The following LUC7L variants were observed in gnomAD, a reference collection of about 807,000 sequenced individuals.
The protein encoded by LUC7L is putative RNA-binding protein Luc7-like 1.
Under a neutral mutation model 51.1 loss-of-function variants are expected in LUC7L, and 29 were observed. The ratio of observed to expected loss-of-function variants is 0.57; its 90% CI spans 0.42 to 0.77. The LOEUF (loss-of-function observed/expected upper bound fraction) is 0.77. Among genes scored for constraint, LUC7L ranks in the 30% least tolerant of loss-of-function variants. LUC7L has a pLI of 0.00. For missense variants in LUC7L, 403 were observed against 511.9 expected (o/e 0.79, Z 2.05); for synonymous variants, 181 against 180.7 (o/e 1.00, Z -0.01).
chr16:207,994 G>C, intron 4 of LUC7L, 84 bp downstream of exon 4: 1 of 894,910 alleles, frequency 1.1e-6, no homozygotes, highest in Non-Finnish European at 1.7e-6. Context: ...GGGTGACAGA[G>C]GGAGACTCCA....
intron 1 of LUC7L, chr16:228,696 C>G (rs1239414914): frequency 8.3e-7 from 1 of 1,205,488 alleles, no homozygotes; most frequent in African/African-American, 1.6e-5. Flanking sequence ...CACAGTACAA[C>G]CTACCTAACG....
chr16:206,888 A>AT (rs1340828596), intron 4 of LUC7L, among the ~76,000 whole-genome samples: 3 of 96,262 alleles, frequency 3.1e-5, no homozygotes, highest in Non-Finnish European at 6.0e-5. Context: ...CTCCATCTTT[A>AT]TTAAAAAAAA....
At chr16:227,484 T>G in intron 1 of LUC7L, 148 bp from the exon 2 acceptor site, 1 of 1,455,790 alleles carries the variant, frequency 6.9e-7, no homozygotes. Context: ...TCTAAAGATA[T>G]TTACAACTGG....
intron 3 of LUC7L, among the ~76,000 whole-genome samples, chr16:210,090 C>A (rs1426344865): frequency 6.6e-6 from 1 of 152,126 alleles, no homozygotes; most frequent in East Asian, 1.9e-4. Flanking sequence ...GAGTTCGAGA[C>A]CAGCTTGACC....
intron 7 of LUC7L, among the ~76,000 whole-genome samples, chr16:191,831 G>C (rs539056056): frequency 2.6e-5 from 4 of 152,294 alleles, no homozygotes; most frequent in African/African-American, 9.6e-5. Flanking sequence ...GTGACAGAGC[G>C]AGACCCTGTC....
intron 1 of LUC7L, chr16:228,893 G>A (rs904868285): frequency 7.5e-7 from 1 of 1,332,836 alleles, no homozygotes; most frequent in Non-Finnish European, 9.8e-7. Flanking sequence ...TTCTTCCCAA[G>A]GAGCCTCGGA....
At chr16:193,211 T>C (rs570361182) in intron 6 of LUC7L, among the ~76,000 whole-genome samples, 196 bp from the exon 7 acceptor site, 205 of 151,782 alleles carry the variant, frequency 1.4e-3, no homozygotes, top group African/African-American at 4.7e-3. Context: ...TGCAGTGGCG[T>C]GATCTCGGCT....
intron 6 of LUC7L, among the ~76,000 whole-genome samples, chr16:198,208 G>A (rs2049212231): frequency 6.7e-6 from 1 of 148,380 alleles, no homozygotes; most frequent in Admixed American, 6.9e-5. Flanking sequence ...GAACCTGGGA[G>A]GCGGAGCTTG....
chr16:209,475 G>C (rs1021528131), intron 3 of LUC7L: 4 of 123,990 alleles, frequency 3.2e-5, no homozygotes, highest in Non-Finnish European at 6.3e-5. Flanking sequence ...GGGCAACAGA[G>C]CAAGATTCCA....
chr16:212,004 C>A (rs1303571953), intron 3 of LUC7L, among the ~76,000 whole-genome samples: 1 of 152,074 alleles, frequency 6.6e-6, no homozygotes, highest in South Asian at 2.1e-4. Flanking sequence ...TCCAAAGAGC[C>A]GCAGAGGGGC....
intron 1 of LUC7L, chr16:228,937 G>A: frequency 1.4e-6 from 2 of 1,390,742 alleles, no homozygotes; most frequent in Non-Finnish European, 1.9e-6. Context: ...GCGACCTGGA[G>A]CCCACGCTGA....
intron 3 of LUC7L, among the ~76,000 whole-genome samples, chr16:211,886 T>C (rs2049651053): frequency 6.6e-6 from 1 of 152,216 alleles, no homozygotes; most frequent in Non-Finnish European, 1.5e-5. Flanking sequence ...CCAGCAGCAC[T>C]GACACAGGCC....
chr16:212,052 G>C (rs1285409971), intron 3 of LUC7L, among the ~76,000 whole-genome samples: 2 of 152,176 alleles, frequency 1.3e-5, no homozygotes, highest in African/African-American at 4.8e-5. Context: ...CTAGCACTTT[G>C]GGAGGCTGAG....
intron 1 of LUC7L, chr16:228,421 G>C: frequency 7.7e-7 from 1 of 1,291,800 alleles, no homozygotes; most frequent in Non-Finnish European, 1.0e-6. Flanking sequence ...ATAAAATAGA[G>C]GGGCCACAAT....
chr16:215,829 T>A (rs1032755219), intron 3 of LUC7L, among the ~76,000 whole-genome samples: 1 of 151,900 alleles, frequency 6.6e-6, no homozygotes, highest in Non-Finnish European at 1.5e-5. Flanking sequence ...GACAGTGTCT[T>A]GACAGATCAC....
At chr16:199,547 G>A (rs760628580) in intron 5 of LUC7L, among the ~76,000 whole-genome samples, 8 of 151,576 alleles carry the variant, frequency 5.3e-5, no homozygotes, top group Non-Finnish European at 1.0e-4. Context: ...TGAGGCTGGC[G>A]GATCACCTGA....
intron 5 of LUC7L, among the ~76,000 whole-genome samples, chr16:199,792 C>T (rs1026629530): frequency 2.0e-5 from 3 of 148,592 alleles, no homozygotes; most frequent in Non-Finnish European, 4.4e-5. Context: ...GAGATCGAGA[C>T]CATCCTGGCC....
chr16:220,412 T>G, intron 3 of LUC7L: 1 of 422,732 alleles, frequency 2.4e-6, no homozygotes, highest in East Asian at 4.0e-5. Flanking sequence ...AAAATGTAAT[T>G]AAAATTTTTA....
intron 3 of LUC7L, among the ~76,000 whole-genome samples, chr16:219,156 C>T (rs1001059975): frequency 6.0e-5 from 9 of 150,474 alleles, no homozygotes; most frequent in South Asian, 4.2e-4. Context: ...TTTGGGAGGC[C>T]GAGGCAGGCG....
Sources: gnomAD v4.1 joint callset for allele counts (sites outside exome capture counted in the v4.1 genomes callset) on GRCh38, gnomAD v4.1.1 for gene constraint, MANE v1.5 for transcripts, NCBI Gene and HGNC (gene_info 2026-07-23, HGNC 2026-07-21) for gene names.